ZNF600: variants seen among roughly 807,000 people sequenced by gnomAD.
The protein encoded by ZNF600 is zinc finger protein KR-ZNF1.
ZNF600 carries 4 observed loss-of-function variants against 7.3 expected under a neutral mutation model. The observed-to-expected ratio is 0.55, with a 90% CI of 0.27 to 1.25. The LOEUF is 1.25. ZNF600 is among the 50% of genes most tolerant of loss of function. The probability of loss-of-function intolerance (pLI) is 0.12; values close to 1 mark genes in which losing one functional copy is unlikely to be tolerated. For synonymous variants in ZNF600, 290 were observed against 308.9 expected (o/e 0.94, Z 0.64); for missense variants, 911 against 922.1 (o/e 0.99, Z 0.16).
the ZNF600 span, chr19:52,800,368 T>G: frequency 5.0e-6 from 8 of 1,614,026 alleles, no homozygotes; most frequent in East Asian, 1.8e-4. Context: ...TTGTATGGTT[T>G]CTCTCCAGTA....
the ZNF600 span, chr19:52,800,450 T>A: frequency 1.1e-5 from 17 of 1,613,506 alleles, no homozygotes; most frequent in Admixed American, 1.5e-4. Context: ...ATTTGTATGG[T>A]TTCTCTGCAG....
the ZNF600 span, chr19:52,799,221 A>G: frequency 7.6e-6 from 3 of 395,850 alleles, no homozygotes; most frequent in Non-Finnish European, 1.5e-5. Flanking sequence ...CTTTTGAATT[A>G]CAAGGTATGA....
At chr19:52,808,207 G>T in the ZNF600 span, 1 of 1,585,986 alleles carries the variant, frequency 6.3e-7, no homozygotes, top group Admixed American at 1.8e-5. Flanking sequence ...CAAGAGAGGG[G>T]GAAAGCATGG....
the ZNF600 span, chr19:52,801,217 T>A: frequency 5.0e-6 from 8 of 1,605,964 alleles, no homozygotes; most frequent in African/African-American, 6.7e-5. Flanking sequence ...TTTTCTCTCA[T>A]GTGTACATTC....
the ZNF600 span, among the ~76,000 whole-genome samples, chr19:52,794,150 G>T: frequency 6.6e-6 from 1 of 151,978 alleles, no homozygotes; most frequent in Non-Finnish European, 1.5e-5. Flanking sequence ...GTGGGTTAAA[G>T]CCCTGAGATG....
the ZNF600 span, among the ~76,000 whole-genome samples, chr19:52,812,162 C>A: frequency 3.9e-4 from 50 of 126,974 alleles, 2 homozygotes; most frequent in East Asian, 0.011. Flanking sequence ...GCCCCCCGCC[C>A]GGCCAGCCGC....
At chr19:52,796,158 GA>G in the ZNF600 span, among the ~76,000 whole-genome samples, 2 of 152,172 alleles carry the variant, frequency 1.3e-5, no homozygotes, top group Non-Finnish European at 2.9e-5. Flanking sequence ...CTGGGCAACA[GA>G]ATGAGACCCA....
chr19:52,810,683 C>G, the ZNF600 span: 22 of 862,300 alleles, frequency 2.6e-5, no homozygotes, highest in Non-Finnish European at 4.2e-5. Context: ...CGGGCTAGAG[C>G]GACATCACGG....
At chr19:52,776,680 T>G (rs1338319151) in intron 2 of ZNF600, among the ~76,000 whole-genome samples, 1 of 152,054 alleles carries the variant, frequency 6.6e-6, no homozygotes, top group Non-Finnish European at 1.5e-5. Context: ...AAATGAAAAA[T>G]AGTTAAAATC....
chr19:52,765,961 T>C (rs1253222467), exon 4 of ZNF600: 1 of 1,614,186 alleles, frequency 6.2e-7, no homozygotes, highest in Admixed American at 1.7e-5. Context: ...CTGGTATGTC[T>C]TGCCAGGTAT....
the ZNF600 span, among the ~76,000 whole-genome samples, chr19:52,827,693 C>G: frequency 3.3e-5 from 5 of 151,754 alleles, no homozygotes; most frequent in Non-Finnish European, 5.9e-5. Flanking sequence ...TACAGGCACC[C>G]GCCACCACGC....
At chr19:52,811,888 G>T in the ZNF600 span, among the ~76,000 whole-genome samples, 1 of 125,000 alleles carries the variant, frequency 8.0e-6, no homozygotes, top group East Asian at 2.5e-4. Flanking sequence ...GGAGGGAGGT[G>T]GGGGGGACAG....
At chr19:52,827,152 TG>T in the ZNF600 span, among the ~76,000 whole-genome samples, 1 of 150,194 alleles carries the variant, frequency 6.7e-6, no homozygotes, top group Non-Finnish European at 1.5e-5. Context: ...GGGTAATGTG[TG>T]GATCACTTGA....
chr19:52,819,566 T>G, the ZNF600 span, among the ~76,000 whole-genome samples: 182 of 64,108 alleles, frequency 2.8e-3, 8 homozygotes, highest in African/African-American at 4.5e-3. Flanking sequence ...GCCCCTCATC[T>G]CCAAGTTGCA....
chr19:52,805,050 C>T, the ZNF600 span: 1 of 152,012 alleles, frequency 6.6e-6, no homozygotes, highest in Non-Finnish European at 1.5e-5. Flanking sequence ...GGGAGGATCA[C>T]AAGGTCAGGA....
At chr19:52,775,568 A>AACAAACAG in intron 2 of ZNF600, among the ~76,000 whole-genome samples, 1 of 152,182 alleles carries the variant, frequency 6.6e-6, no homozygotes, top group East Asian at 1.9e-4. Context: ...CAAACAAACA[A>AACAAACAG]ACAAACACAG....
chr19:52,774,582 T>C lies in ZNF600; in HGVS notation c.183A>G (p.Glu61=), dbSNP rs186786863. 1.9e-3 allele frequency: 1,839 copies of C among 985,094 alleles called. 3 individuals carry two copies. Among genetic ancestry groups the C allele is most frequent in the Admixed American group, 2.1e-3 (34 of 16,248 alleles). 61.0% of individuals were successfully genotyped at this position (985,094 alleles called of 1,614,324 possible). The stretch of plus-strand genomic sequence containing the variant: ...GGACATCATTTTCCTCACCCACAGC[T>C]TCCAGGTTCCTGTAGTTCTCCAACA... Residue 61 remains glutamate (E), a synonymous_variant, in exon 3 of 4, where the codon GAA becomes GAG. Coordinates refer to ENST00000648973, the Ensembl canonical transcript of ZNF600.
At chr19:52,805,971 A>T in the ZNF600 span, 1 of 152,076 alleles carries the variant, frequency 6.6e-6, no homozygotes, top group Admixed American at 6.6e-5. Flanking sequence ...CAACAGCAAA[A>T]CTCAGTCTCA....
chr19:52,825,167 C>T, the ZNF600 span, among the ~76,000 whole-genome samples: 5 of 152,108 alleles, frequency 3.3e-5, no homozygotes, highest in African/African-American at 1.2e-4. Context: ...TTCTCAATAG[C>T]CCCTCCTGCA....
Sources: gnomAD v4.1 joint callset for allele counts (sites outside exome capture counted in the v4.1 genomes callset) on GRCh38, gnomAD v4.1.1 for gene constraint, MANE v1.5 for transcripts, NCBI Gene and HGNC (gene_info 2026-07-23, HGNC 2026-07-21) for gene names.